The following RNLS variants were observed in gnomAD, a reference collection of about 807,000 sequenced individuals.
The protein encoded by RNLS is renalase.
Under a neutral mutation model 39.8 loss-of-function variants are expected in RNLS, and 39 were observed. That is an observed-to-expected ratio of 0.98 (90% CI 0.76 to 1.28). The LOEUF (loss-of-function observed/expected upper bound fraction) is 1.28. Ranked by LOEUF, RNLS falls within the 50% of genes most tolerant of loss-of-function variation. The probability of loss-of-function intolerance (pLI) is 0.00; values close to 1 mark genes in which losing one functional copy is unlikely to be tolerated. For synonymous variants in RNLS, 147 were observed against 150.7 expected (o/e 0.98, Z 0.18); for missense variants, 410 against 413.3 (o/e 0.99, Z 0.07).
At chr10:88,283,467 T>C (rs574664368), downstream of RNLS, among the ~76,000 whole-genome samples, 1 of 152,268 alleles carries the variant, frequency 6.6e-6, no homozygotes, top group East Asian at 1.9e-4. Context: ...AGCATTGTTT[T>C]TAAAGGTTCA....
intron 5 of RNLS, among the ~76,000 whole-genome samples, chr10:88,352,880 C>T (rs1848837697): frequency 6.6e-6 from 1 of 152,106 alleles, no homozygotes; most frequent in Non-Finnish European, 1.5e-5. Flanking sequence ...ATTTCAGAGC[C>T]TGTTATTGGT....
the RNLS span, among the ~76,000 whole-genome samples, chr10:88,210,587 C>G: frequency 6.6e-6 from 1 of 152,146 alleles, no homozygotes; most frequent in Non-Finnish European, 1.5e-5. Context: ...ATTTACCACG[C>G]ACATAATCAC....
At chr10:88,547,530 A>T (rs1395264015) in intron 4 of RNLS, among the ~76,000 whole-genome samples, 1 of 152,172 alleles carries the variant, frequency 6.6e-6, no homozygotes, top group African/African-American at 2.4e-5. Flanking sequence ...ACTTTAGAGA[A>T]ATTTTGGTTT....
At chr10:88,533,574 T>C (rs1847566709) in intron 4 of RNLS, among the ~76,000 whole-genome samples, 1 of 152,148 alleles carries the variant, frequency 6.6e-6, no homozygotes, top group Non-Finnish European at 1.5e-5. Context: ...CAAAATTACC[T>C]AAGGTACTGT....
intron 5 of RNLS, among the ~76,000 whole-genome samples, chr10:88,362,085 TAAAC>T (rs1003595473): frequency 6.6e-6 from 1 of 152,036 alleles, no homozygotes; most frequent in African/African-American, 2.4e-5. Flanking sequence ...AAAATGTAAA[TAAAC>T]AATAAAATTA....
intron 5 of RNLS, among the ~76,000 whole-genome samples, chr10:88,339,027 G>T (rs1194111742): frequency 6.6e-6 from 1 of 152,130 alleles, no homozygotes; most frequent in Admixed American, 6.5e-5. Flanking sequence ...CTCCCAAAGT[G>T]CCGAGCCACC....
the RNLS span, among the ~76,000 whole-genome samples, chr10:88,199,661 G>C: frequency 2.1e-3 from 323 of 152,268 alleles, 4 homozygotes; most frequent in African/African-American, 7.2e-3. Context: ...GCAAGAACCA[G>C]AGGTGGGCCT....
chr10:88,460,278 G>C (rs1842873667), intron 4 of RNLS, among the ~76,000 whole-genome samples: 1 of 152,206 alleles, frequency 6.6e-6, no homozygotes, highest in Admixed American at 6.6e-5. Flanking sequence ...TTTCTTGCTT[G>C]TTAAATGAAG....
intron 6 of RNLS, among the ~76,000 whole-genome samples, chr10:88,277,004 C>T (rs1467145817): frequency 6.6e-6 from 1 of 152,110 alleles, no homozygotes; most frequent in Non-Finnish European, 1.5e-5. Flanking sequence ...ATAAACCATG[C>T]TACTATAAAG....
At chr10:88,362,505 C>T (rs373129464) in intron 5 of RNLS, 47 bp downstream of exon 5, 313 of 1,553,278 alleles carry the variant, frequency 2.0e-4, no homozygotes, top group Middle Eastern at 1.8e-4. Flanking sequence ...TCATGATCTA[C>T]ACCCACCATT....
At chr10:88,546,416 G>A (rs763307148) in intron 4 of RNLS, among the ~76,000 whole-genome samples, 8 of 151,966 alleles carry the variant, frequency 5.3e-5, no homozygotes, top group Non-Finnish European at 8.8e-5. Context: ...ATATAAAATT[G>A]TAAAATAAAT....
At chr10:88,420,183 A>AT (rs1300641411) in intron 4 of RNLS, among the ~76,000 whole-genome samples, 1 of 152,036 alleles carries the variant, frequency 6.6e-6, no homozygotes, top group East Asian at 1.9e-4. Context: ...CTAGTATATA[A>AT]TAGGCGTGCA....
At chr10:88,447,830 A>C (rs973866689) in intron 4 of RNLS, among the ~76,000 whole-genome samples, 1 of 152,238 alleles carries the variant, frequency 6.6e-6, no homozygotes, top group Non-Finnish European at 1.5e-5. Context: ...AGGGAACAGA[A>C]AAGAGCCCTC....
intron 4 of RNLS, among the ~76,000 whole-genome samples, chr10:88,524,124 A>T (rs376736721): frequency 1.4e-5 from 2 of 145,598 alleles, no homozygotes; most frequent in African/African-American, 5.0e-5. Context: ...TGATTATATT[A>T]AAAAAAAAAG....
At chr10:88,469,829 G>A (rs968157612) in intron 4 of RNLS, among the ~76,000 whole-genome samples, 1 of 124,332 alleles carries the variant, frequency 8.0e-6, no homozygotes, top group African/African-American at 2.6e-5. Context: ...GTGCGTGTGT[G>A]TGTGTGTGTG....
intron 6 of RNLS, among the ~76,000 whole-genome samples, chr10:88,310,648 C>T (rs759201140): frequency 9.9e-5 from 15 of 151,062 alleles, no homozygotes; most frequent in East Asian, 5.9e-4. Flanking sequence ...AAAAATTAAC[C>T]GGGAACAGTA....
At chr10:88,477,390 G>A (rs550470714) in intron 4 of RNLS, among the ~76,000 whole-genome samples, 18 of 152,220 alleles carry the variant, frequency 1.2e-4, no homozygotes, top group African/African-American at 3.9e-4. Flanking sequence ...GGTGATGACC[G>A]GGATGACAGG....
At chr10:88,252,225 C>T in the RNLS span, among the ~76,000 whole-genome samples, 3 of 152,284 alleles carry the variant, frequency 2.0e-5, no homozygotes, top group East Asian at 5.8e-4. Flanking sequence ...TGTGCCATCC[C>T]CCACAACCCG....
chr10:88,292,457 A>C lies in RNLS; in HGVS notation c.877-6951T>G, dbSNP rs1323565076. Among the ~76,000 whole-genome samples the C allele has an allele frequency of 2.0e-5, 3 of 151,952 alleles. No individual in the cohort carries two copies. In the East Asian group the frequency reaches 5.8e-4, roughly 29 times the overall value. On this transcript the variant is annotated intron_variant, in intron 6 of 6. Transcript: ENST00000331772. Reference sequence around the variant, plus strand: ...AGACCTTCACATTTAGCAAGGCTTTATCTTTGCCTGTAAGAAAACTTACTC... The same window carrying C: ...AGACCTTCACATTTAGCAAGGCTTTCTCTTTGCCTGTAAGAAAACTTACTC...
Sources: gnomAD v4.1 joint callset for allele counts (sites outside exome capture counted in the v4.1 genomes callset) on GRCh38, gnomAD v4.1.1 for gene constraint, MANE v1.5 for transcripts, NCBI Gene and HGNC (gene_info 2026-07-23, HGNC 2026-07-21) for gene names.